The following PDZRN4 variants were observed in gnomAD, a reference collection of about 807,000 sequenced individuals.
PDZRN4 encodes PDZ domain-containing RING finger protein 4.
Under a neutral mutation model 99.0 loss-of-function variants are expected in PDZRN4, and 70 were observed. That is an observed-to-expected ratio of 0.71 (90% confidence interval 0.58 to 0.86). PDZRN4 has a LOEUF of 0.86. PDZRN4 is among the 40% of genes least tolerant of loss of function. PDZRN4 has a pLI of 0.00. For synonymous variants in PDZRN4, 551 were observed against 501.6 expected, an observed-to-expected ratio of 1.10 and a Z score of -1.32; for missense variants, 1,474 against 1,331.2, an observed-to-expected ratio of 1.11 and a Z score of -1.67.
chr12:41,206,933 C>T (rs780838181), intron 3 of PDZRN4, among the ~76,000 whole-genome samples: 2 of 151,894 alleles, frequency 1.3e-5, no homozygotes, highest in Non-Finnish European at 2.9e-5. Flanking sequence ...CAGTCTTACA[C>T]TGTCTATTTT....
At chr12:41,211,606 A>G (rs978073363) in intron 3 of PDZRN4, among the ~76,000 whole-genome samples, 2 of 151,952 alleles carry the variant, frequency 1.3e-5, no homozygotes, top group Non-Finnish European at 2.9e-5. Context: ...GAAACTGCAA[A>G]CCTAATGAAA....
chr12:41,458,603 A>ATT (rs569661112), intron 3 of PDZRN4, among the ~76,000 whole-genome samples: 1 of 152,124 alleles, frequency 6.6e-6, no homozygotes, highest in African/African-American at 2.4e-5. Context: ...TAGTATAGCC[A>ATT]TTTTTTTGCC....
At chr12:41,555,608 CT>C (rs148373647) in intron 6 of PDZRN4, 89 bp from the exon 7 acceptor site, 2 of 1,002,074 alleles carry the variant, frequency 2.0e-6, no homozygotes, top group East Asian at 4.9e-5. Flanking sequence ...TTTGAAACAG[CT>C]TTTTCAAAAT....
intron 3 of PDZRN4, among the ~76,000 whole-genome samples, chr12:41,223,598 A>G (rs1950972910): frequency 6.6e-6 from 1 of 152,214 alleles, no homozygotes; most frequent in Non-Finnish European, 1.5e-5. Context: ...TTAAAATGTT[A>G]AAAATAAGAT....
intron 3 of PDZRN4, among the ~76,000 whole-genome samples, chr12:41,503,573 A>C (rs1938148191): frequency 6.6e-6 from 1 of 152,220 alleles, no homozygotes; most frequent in Admixed American, 6.5e-5. Context: ...AAACAATCCT[A>C]CTTAGCTTAT....
chr12:41,216,482 A>C (rs903759826), intron 3 of PDZRN4, among the ~76,000 whole-genome samples: 1 of 152,036 alleles, frequency 6.6e-6, no homozygotes, highest in African/African-American at 2.4e-5. Context: ...GACAGAAATC[A>C]TTCCTAAAAC....
chr12:41,494,642 T>A (rs1937959580), intron 3 of PDZRN4, among the ~76,000 whole-genome samples: 1 of 152,152 alleles, frequency 6.6e-6, no homozygotes, highest in Non-Finnish European at 1.5e-5. Flanking sequence ...AACAAAATAT[T>A]TCTTTTCTAA....
At chr12:41,250,618 G>A (rs1189306085) in intron 3 of PDZRN4, among the ~76,000 whole-genome samples, 1 of 152,090 alleles carries the variant, frequency 6.6e-6, no homozygotes, top group South Asian at 2.1e-4. Flanking sequence ...TGCTTGACAG[G>A]TTTGTCAAGC....
intron 3 of PDZRN4, among the ~76,000 whole-genome samples, chr12:41,366,773 T>C (rs73274423): frequency 0.037 from 5,620 of 152,262 alleles, 349 homozygotes; most frequent in African/African-American, 0.13. Flanking sequence ...ATATTTACTA[T>C]AAATTGTAAT....
chr12:41,382,408 GGAA>G (rs750544208), intron 3 of PDZRN4, among the ~76,000 whole-genome samples: 1 of 152,152 alleles, frequency 6.6e-6, no homozygotes, highest in Non-Finnish European at 1.5e-5. Context: ...TGCAAACTTA[GGAA>G]ATTGAAGTTC....
chr12:41,565,149 C>T (rs1939342322), intron 8 of PDZRN4, among the ~76,000 whole-genome samples: 1 of 152,128 alleles, frequency 6.6e-6, no homozygotes, highest in Admixed American at 6.6e-5. Flanking sequence ...GGCTACACTT[C>T]TGACCTTTTT....
chr12:41,427,722 G>A (rs1225265477), intron 3 of PDZRN4, among the ~76,000 whole-genome samples: 1 of 152,114 alleles, frequency 6.6e-6, no homozygotes, highest in African/African-American at 2.4e-5. Context: ...GGAAAAAAGT[G>A]GGAATTGAAT....
intron 3 of PDZRN4, among the ~76,000 whole-genome samples, chr12:41,224,887 C>T (rs1413984839): frequency 6.6e-6 from 1 of 152,140 alleles, no homozygotes; most frequent in Non-Finnish European, 1.5e-5. Context: ...CTCCAGTTCT[C>T]ATTGCTTTAA....
chr12:41,338,880 A>G (rs1951794608), intron 3 of PDZRN4, among the ~76,000 whole-genome samples: 1 of 152,068 alleles, frequency 6.6e-6, no homozygotes, highest in Admixed American at 6.6e-5. Flanking sequence ...CAAAACAGTG[A>G]AAGATATCTA....
chr12:41,303,437 T>C (rs1051630447), intron 3 of PDZRN4, among the ~76,000 whole-genome samples: 6 of 152,150 alleles, frequency 3.9e-5, no homozygotes, highest in Non-Finnish European at 5.9e-5. Context: ...TCTAAAACTT[T>C]TGCATCTCTG....
At chr12:41,405,736 G>T (rs534212818) in intron 3 of PDZRN4, among the ~76,000 whole-genome samples, 1 of 152,194 alleles carries the variant, frequency 6.6e-6, no homozygotes, top group South Asian at 2.1e-4. Flanking sequence ...AGAAAATGTG[G>T]TACCTATACA....
At position 41,281,074 on chromosome 12, in the gene PDZRN4, G is replaced by A. The variant is rs573118422; in HGVS notation, c.843+86886G>A. On this transcript the variant is annotated intron_variant, in intron 3 of 9. Coordinates refer to ENST00000402685, the MANE Select transcript of PDZRN4 (RefSeq NM_001164595.2). ...CTGCTGGTGATACCCAGGTAAACAG[G>A]GTCTGGAGTGGACCCACAGCAAACT... 1.7e-3 allele frequency among the ~76,000 whole-genome samples: 251 copies of A among 147,858 alleles called. 4 individuals are homozygous for A. Among genetic ancestry groups the A allele is most frequent in the Non-Finnish European group, 3.2e-3 (210 of 65,610 alleles).
chr12:41,351,729 A>T (rs1396967012), intron 3 of PDZRN4, among the ~76,000 whole-genome samples: 2 of 152,092 alleles, frequency 1.3e-5, no homozygotes, highest in African/African-American at 2.4e-5. Context: ...ACAATTTGAC[A>T]CGAGATTTGG....
At chr12:41,229,611 C>T (rs1309943008) in intron 3 of PDZRN4, among the ~76,000 whole-genome samples, 1 of 152,052 alleles carries the variant, frequency 6.6e-6, no homozygotes, top group Non-Finnish European at 1.5e-5. Flanking sequence ...ATCTGCTTTC[C>T]TTGAGTTTCA....
Sources: gnomAD v4.1 joint callset for allele counts (sites outside exome capture counted in the v4.1 genomes callset) on GRCh38, gnomAD v4.1.1 for gene constraint, MANE v1.5 for transcripts, NCBI Gene and HGNC (gene_info 2026-07-23, HGNC 2026-07-21) for gene names.